RIMKLB: variants seen among roughly 807,000 people sequenced by gnomAD.
RIMKLB encodes the protein beta-citrylglutamate synthase B.
RIMKLB carries 7 observed loss-of-function variants against 32.0 expected under a neutral mutation model. That is an observed-to-expected ratio of 0.22 (90% confidence interval 0.12 to 0.41). The LOEUF is 0.41. Among genes scored for constraint, RIMKLB ranks in the 10% least tolerant of loss-of-function variants. RIMKLB has a pLI of 1.00. For synonymous variants in RIMKLB, 172 were observed against 185.1 expected (o/e 0.93, Z 0.57); for missense variants, 289 against 498.7 (o/e 0.58, Z 4.00).
intron 5 of RIMKLB, among the ~76,000 whole-genome samples, chr12:8,759,272 G>A (rs1011382646): frequency 6.6e-6 from 1 of 152,120 alleles, no homozygotes; most frequent in African/African-American, 2.4e-5. Flanking sequence ...GCAGCCACCT[G>A]TAGTCCCAGC....
the RIMKLB span, among the ~76,000 whole-genome samples, chr12:8,670,026 CAAAAA>C: frequency 2.7e-5 from 1 of 36,938 alleles, no homozygotes; most frequent in Non-Finnish European, 5.6e-5. Context: ...GACTCCGTCT[CAAAAA>C]AAAAAAAAAA....
At chr12:8,740,539 T>A (rs1026921570) in intron 2 of RIMKLB, among the ~76,000 whole-genome samples, 1 of 152,238 alleles carries the variant, frequency 6.6e-6, no homozygotes, top group African/African-American at 2.4e-5. Flanking sequence ...ATCATTCTTA[T>A]GCCTTTGCGT....
chr12:8,684,822 C>T (rs1171630198), intron 1 of RIMKLB, among the ~76,000 whole-genome samples: 5 of 152,068 alleles, frequency 3.3e-5, no homozygotes, highest in Non-Finnish European at 7.4e-5. Flanking sequence ...GGGGTTTCAC[C>T]ACGTTGTCTA....
At chr12:8,684,326 C>G (rs1193204902) in intron 1 of RIMKLB, among the ~76,000 whole-genome samples, 3 of 152,012 alleles carry the variant, frequency 2.0e-5, no homozygotes, top group Admixed American at 6.6e-5. Flanking sequence ...GCACACGCCA[C>G]CACACCCAAC....
rs574052516 is a variant in RIMKLB at position 8,733,884 on chromosome 12, A to G, written c.176-15978A>G. ...ACACAGTGAGACCCTGTCTCTGGAT[A>G]GATGATAGGTGATTGTTAGATTGAT... On this transcript the variant is annotated intron_variant, in intron 2 of 5. Coordinates refer to ENST00000535829, the MANE Select transcript of RIMKLB (RefSeq NM_001297776.2). Among the ~76,000 whole-genome samples, 169 of 152,282 alleles carry G rather than the reference A, an allele frequency of 1.1e-3. 1 individual carries two copies. Among genetic ancestry groups the G allele is most frequent in the Admixed American group, 1.8e-3 (27 of 15,276 alleles).
At chr12:8,756,448 G>A (rs1034342683) in intron 5 of RIMKLB, among the ~76,000 whole-genome samples, 4 of 151,906 alleles carry the variant, frequency 2.6e-5, no homozygotes, top group South Asian at 2.1e-4. Context: ...GAAACATAAT[G>A]TTCATTTAAA....
At chr12:8,772,175 A>G (rs944933878) in intron 5 of RIMKLB, among the ~76,000 whole-genome samples, 1 of 152,196 alleles carries the variant, frequency 6.6e-6, no homozygotes, top group Non-Finnish European at 1.5e-5. Flanking sequence ...ATGAGCCATC[A>G]CAGCTGGCCC....
At chr12:8,686,703 C>A (rs1942586720) in intron 1 of RIMKLB, among the ~76,000 whole-genome samples, 1 of 151,526 alleles carries the variant, frequency 6.6e-6, no homozygotes, top group African/African-American at 2.4e-5. Flanking sequence ...AGGACGGTGT[C>A]GATCTCCTGA....
At chr12:8,705,598 T>G (rs1376986182) in intron 1 of RIMKLB, among the ~76,000 whole-genome samples, 1 of 152,032 alleles carries the variant, frequency 6.6e-6, no homozygotes, top group Non-Finnish European at 1.5e-5. Context: ...CTGAATCGAG[T>G]GCCTTAATAA....
At chr12:8,713,730 C>A in intron 1 of RIMKLB, 81 bp from the exon 2 acceptor site, 1 of 842,860 alleles carries the variant, frequency 1.2e-6, no homozygotes, top group Non-Finnish European at 1.9e-6. Context: ...AGTATATAAT[C>A]ACGGCATTTA....
intron 2 of RIMKLB, among the ~76,000 whole-genome samples, chr12:8,731,787 TTAGCTTTTACAATATCTC>T (rs1946573382): frequency 6.6e-6 from 1 of 152,184 alleles, no homozygotes; most frequent in Non-Finnish European, 1.5e-5. Context: ...TTTAACTTTT[TTAGCTTTTACAATATCTC>T]AAGCGAGGAT....
chr12:8,758,085 C>G (rs1370809736), intron 5 of RIMKLB, among the ~76,000 whole-genome samples: 1 of 152,070 alleles, frequency 6.6e-6, no homozygotes, highest in African/African-American at 2.4e-5. Flanking sequence ...GCGTGAGCCA[C>G]TGCGCCTGGC....
chr12:8,695,441 GTAAA>G, upstream of RIMKLB, among the ~76,000 whole-genome samples: 1 of 152,164 alleles, frequency 6.6e-6, no homozygotes, highest in African/African-American at 2.4e-5. Flanking sequence ...TGGAAATGGT[GTAAA>G]TAATTTTTGC....
At chr12:8,712,449 A>G (rs1944454141) in intron 1 of RIMKLB, among the ~76,000 whole-genome samples, 1 of 152,190 alleles carries the variant, frequency 6.6e-6, no homozygotes, top group African/African-American at 2.4e-5. Context: ...AAGTTATTAA[A>G]TATTCAGAAC....
Position 8,720,605 on chromosome 12 carries a change from C to T in RIMKLB, c.175+6564C>T, listed in dbSNP as rs550911480. Among the ~76,000 whole-genome samples, 7 of 152,240 alleles carry T rather than the reference C, an allele frequency of 4.6e-5. No individual in the cohort carries two copies. In the South Asian group the frequency reaches 6.2e-4, roughly 14 times the overall value. On this transcript the variant is annotated intron_variant, in intron 2 of 5. Transcript: ENST00000535829. Reference sequence around the variant, plus strand: ...TCGCCCAGGCCGGAGTGCAGTGGCGCGATCTCGCTCACTGCAACCTCTGTC... The same window carrying T: ...TCGCCCAGGCCGGAGTGCAGTGGCGTGATCTCGCTCACTGCAACCTCTGTC...
chr12:8,751,504 G>C (rs1381518387), intron 3 of RIMKLB, among the ~76,000 whole-genome samples: 2 of 152,116 alleles, frequency 1.3e-5, no homozygotes, highest in Non-Finnish European at 2.9e-5. Flanking sequence ...AGAAAAATTG[G>C]TGTGTGTGTG....
At chr12:8,777,239 T>TC (rs1950788087), downstream of RIMKLB, 2 of 963,094 alleles carry the variant, frequency 2.1e-6, no homozygotes, top group Non-Finnish European at 2.4e-6. Flanking sequence ...TTTTTTTTTT[T>TC]TCTTCTTAAA....
In RIMKLB at chr12:8,749,842, C is replaced by G; in HGVS notation, c.176-20C>G. ...TATATTTCCCTCTAATTGTGTTGGTCTTGTATTTATATATTTCAGGTCTGC... is the reference window on the plus strand; with the variant it reads ...TATATTTCCCTCTAATTGTGTTGGTGTTGTATTTATATATTTCAGGTCTGC... On this transcript the variant is annotated intron_variant, in intron 2 of 5. Transcript: ENST00000535829. 6.6e-7 allele frequency: 1 copy of G among 1,511,168 alleles called. No individual in the cohort carries two copies. The highest frequency in any genetic ancestry group is 1.1e-5 in the South Asian group (1 of 87,538). The allele number at this position is 1,511,168 out of a possible 1,614,324, so 93.6% of individuals were successfully genotyped here.
chr12:8,677,139 C>T (rs774067307), upstream of RIMKLB, among the ~76,000 whole-genome samples: 12 of 152,180 alleles, frequency 7.9e-5, no homozygotes, highest in African/African-American at 1.2e-4. Context: ...TTTCGTTTTC[C>T]ACCACCTGTA....
Sources: gnomAD v4.1 joint callset for allele counts (sites outside exome capture counted in the v4.1 genomes callset) on GRCh38, gnomAD v4.1.1 for gene constraint, MANE v1.5 for transcripts, NCBI Gene and HGNC (gene_info 2026-07-23, HGNC 2026-07-21) for gene names.